Variants in CBY1 observed in about 807,000 individuals in gnomAD.
The protein encoded by CBY1 is protein chibby homolog 1.
A neutral mutation model predicts 15.6 loss-of-function variants in CBY1; 10 were observed. The ratio of observed to expected loss-of-function variants is 0.64; its 90% CI spans 0.40 to 1.09. The LOEUF is 1.09. CBY1 is among the 50% of genes least tolerant of loss of function. The probability of loss-of-function intolerance (pLI) is 0.01; values close to 1 mark genes in which losing one functional copy is unlikely to be tolerated. For synonymous variants in CBY1, 61 were observed against 63.5 expected, an observed-to-expected ratio of 0.96 and a Z score of 0.19; for missense variants, 150 against 160.5, an observed-to-expected ratio of 0.93 and a Z score of 0.35.
chr22:38,668,398 C>T (rs1162356449), intron 2 of CBY1: 6 of 335,434 alleles, frequency 1.8e-5, no homozygotes, highest in Admixed American at 4.7e-5. Context: ...GAGATGGAGT[C>T]TCACTCCCGT....
chr22:38,665,717 A>G (rs865837021), intron 1 of CBY1: 1 of 1,229,940 alleles, frequency 8.1e-7, no homozygotes, highest in Non-Finnish European at 1.0e-6. Context: ...AATGCTCTGT[A>G]TCCCAATCTG....
chr22:38,672,303 GTTT>G (rs2092454951), intron 4 of CBY1, among the ~76,000 whole-genome samples: 1 of 151,442 alleles, frequency 6.6e-6, no homozygotes, highest in African/African-American at 2.4e-5. Flanking sequence ...TAGGCTGGAT[GTTT>G]TTTTATTTTT....
chr22:38,666,229 A>ATT (rs1420464720), intron 1 of CBY1, among the ~76,000 whole-genome samples: 1 of 127,632 alleles, frequency 7.8e-6, no homozygotes, highest in African/African-American at 2.9e-5. Flanking sequence ...TTATATATAT[A>ATT]TATATTTTTT....
At chr22:38,667,934 A>G in intron 1 of CBY1, 83 bp from the exon 2 acceptor site, 1 of 706,262 alleles carries the variant, frequency 1.4e-6, no homozygotes, top group Non-Finnish European at 2.5e-6. Context: ...CCACATGATA[A>G]AATGTATGTC....
intron 1 of CBY1, 158 bp from the exon 2 acceptor site, chr22:38,667,859 G>GCAATT: frequency 1.7e-6 from 1 of 595,334 alleles, no homozygotes; most frequent in Non-Finnish European, 3.0e-6. Context: ...TTAAACAATG[G>GCAATT]CAATTCAATT....
intron 2 of CBY1, chr22:38,670,464 C>T (rs2145787344): frequency 6.3e-6 from 1 of 159,048 alleles, no homozygotes; most frequent in East Asian, 1.8e-4. Flanking sequence ...AGAAGCAACT[C>T]CTCTTCCTCC....
At chr22:38,672,654 C>G (rs1425283766) in intron 4 of CBY1, among the ~76,000 whole-genome samples, 1 of 152,044 alleles carries the variant, frequency 6.6e-6, no homozygotes, top group Non-Finnish European at 1.5e-5. Context: ...ATCGTAGTAT[C>G]TACCTCATAG....
intron 1 of CBY1, among the ~76,000 whole-genome samples, chr22:38,661,164 T>C (rs1245186510): frequency 6.6e-6 from 1 of 152,046 alleles, no homozygotes; most frequent in African/African-American, 2.4e-5. Context: ...TTTATTTTTA[T>C]GATTTTATTT....
At chr22:38,669,371 T>C (rs535534243) in intron 2 of CBY1, among the ~76,000 whole-genome samples, 4 of 152,294 alleles carry the variant, frequency 2.6e-5, no homozygotes, top group South Asian at 2.1e-4. Flanking sequence ...TGTTTAATTC[T>C]AGAATCTAGA....
intron 1 of CBY1, among the ~76,000 whole-genome samples, chr22:38,663,047 G>A (rs1407350926): frequency 6.6e-6 from 1 of 152,068 alleles, no homozygotes; most frequent in African/African-American, 2.4e-5. Flanking sequence ...TTGAACCCAG[G>A]AAGCAGAGGT....
At chr22:38,672,662 T>C (rs975379538) in intron 4 of CBY1, among the ~76,000 whole-genome samples, 12 of 151,786 alleles carry the variant, frequency 7.9e-5, no homozygotes, top group Non-Finnish European at 1.5e-4. Context: ...ATCTACCTCA[T>C]AGTGAGTTAG....
chr22:38,662,301 C>CAAA (rs34580405), intron 1 of CBY1, among the ~76,000 whole-genome samples: 45 of 132,978 alleles, frequency 3.4e-4, no homozygotes, highest in African/African-American at 7.7e-4. Flanking sequence ...GACTCTGTCT[C>CAAA]AAAAAAAAAA....
intron 1 of CBY1, chr22:38,666,823 C>T (rs2092437759): frequency 6.6e-6 from 1 of 151,718 alleles, no homozygotes; most frequent in Non-Finnish European, 1.5e-5. Context: ...CTGCCTCAGC[C>T]TCCCAACTAG....
intron 1 of CBY1, among the ~76,000 whole-genome samples, chr22:38,658,261 G>A (rs2092408987): frequency 1.3e-5 from 2 of 151,784 alleles, no homozygotes; most frequent in East Asian, 1.9e-4. Flanking sequence ...GAGTATCTGG[G>A]ACAACTGGCG....
At chr22:38,658,803 C>A (rs2145776716) in intron 1 of CBY1, among the ~76,000 whole-genome samples, 1 of 152,280 alleles carries the variant, frequency 6.6e-6, no homozygotes, top group Non-Finnish European at 1.5e-5. Flanking sequence ...TTTGTCTTAT[C>A]ATATGGGGGA....
intron 1 of CBY1, among the ~76,000 whole-genome samples, chr22:38,666,181 T>C (rs1282222566): frequency 6.6e-6 from 1 of 150,796 alleles, no homozygotes; most frequent in Non-Finnish European, 1.5e-5. Flanking sequence ...CATGAAACCT[T>C]ACACTTATGA....
rs115504854 is a variant in CBY1, at chr22:38,658,096, G to T, written c.-39+1346G>T. ...AGGTTTAACCACTATGAACAGTTTG[G>T]TGTATCCTTCCAGATCTCTTTCTTT... On this transcript the variant is annotated intron_variant, in intron 1 of 4. Transcript: ENST00000216029. Among the ~76,000 whole-genome samples, 795 of 151,780 alleles carry T rather than the reference G, an allele frequency of 5.2e-3. 3 individuals carry two copies. The highest frequency in any genetic ancestry group is 0.019 in the African/African-American group (768 of 41,410).
At position 38,671,149 on chromosome 22, in the gene CBY1, C is replaced by A. The variant is rs746161420; in HGVS notation, c.264C>A (p.Asn88Lys). 11 of 1,613,850 alleles carry A rather than the reference C, an allele frequency of 6.8e-6. No homozygotes were observed. The highest frequency in any genetic ancestry group is 1.1e-5 in the South Asian group (1 of 91,082). ...RRRNQQLEEE[N>K]NLLRLKVDIL... Reference sequence around the variant, plus strand: ...GGAACCAGCAGTTGGAGGAAGAGAACAATCTCTTGCGGCTGAAAGTGGACA... The same window carrying A: ...GGAACCAGCAGTTGGAGGAAGAGAAAAATCTCTTGCGGCTGAAAGTGGACA... Residue 88 changes from asparagine (N) to lysine (K), a missense_variant, in exon 4 of 5, where the codon AAC becomes AAA. Coordinates refer to ENST00000216029, the MANE Select transcript of CBY1 (RefSeq NM_015373.4).
At position 38,668,186 on chromosome 22, in the gene CBY1, C is replaced by T. The variant is rs375091162; in HGVS notation, c.78+54C>T. ...TGTGCAGCATGAGTTGAGTGCTGAG[C>T]GTGTCTCTGAATGGAAAGTGTGGTC... On this transcript the variant is annotated intron_variant, in intron 2 of 4. Transcript: ENST00000216029. The T allele has an allele frequency of 2.3e-4, 240 of 1,053,466 alleles. 1 individual carries two copies. Among genetic ancestry groups the T allele is most frequent in the Non-Finnish European group, 3.1e-4 (206 of 668,400 alleles). The allele number at this position is 1,053,466 out of a possible 1,614,324, so 65.3% of individuals were successfully genotyped here.
Sources: gnomAD v4.1 joint callset for allele counts (sites outside exome capture counted in the v4.1 genomes callset) on GRCh38, gnomAD v4.1.1 for gene constraint, MANE v1.5 for transcripts, NCBI Gene and HGNC (gene_info 2026-07-23, HGNC 2026-07-21) for gene names.